Variants in SNX29 observed in about 807,000 individuals in gnomAD.
SNX29 encodes sorting nexin-29.
A neutral mutation model predicts 102.1 loss-of-function variants in SNX29; 78 were observed. The ratio of observed to expected loss-of-function variants is 0.76; its 90% CI spans 0.64 to 0.92. The LOEUF (loss-of-function observed/expected upper bound fraction) is 0.92. SNX29 is among the 40% of genes least tolerant of loss of function. The pLI is 0.00. For missense variants in SNX29, 1,280 were observed against 1,061.7 expected (o/e 1.21, Z -2.86); for synonymous variants, 580 against 414.5 (o/e 1.40, Z -4.85).
intron 4 of SNX29, among the ~76,000 whole-genome samples, chr16:12,042,077 C>CTGGA (rs2049901048): frequency 1.3e-5 from 2 of 152,102 alleles, no homozygotes; most frequent in Admixed American, 6.6e-5. Context: ...TGCCACCAGG[C>CTGGA]CGGAGTGCAG....
At chr16:12,401,009 T>G (rs1237388887) in intron 17 of SNX29, among the ~76,000 whole-genome samples, 6 of 152,082 alleles carry the variant, frequency 3.9e-5, no homozygotes, top group African/African-American at 2.4e-5. Context: ...TGTTTGTATT[T>G]TTTAGTAGAG....
intron 14 of SNX29, among the ~76,000 whole-genome samples, chr16:12,211,401 G>C (rs765010149): frequency 5.9e-5 from 9 of 152,180 alleles, no homozygotes; most frequent in Non-Finnish European, 1.2e-4. Flanking sequence ...CTGGGCCCCG[G>C]GGTAGCTTTC....
chr16:12,564,365 C>G (rs1028089863), intron 20 of SNX29, among the ~76,000 whole-genome samples: 4 of 151,830 alleles, frequency 2.6e-5, no homozygotes, highest in African/African-American at 7.3e-5. Context: ...GGAGCCAAAT[C>G]TATTTCTAAT....
At chr16:12,118,313 C>CTTTCTT (rs1286174976) in intron 11 of SNX29, among the ~76,000 whole-genome samples, 5 of 86,122 alleles carry the variant, frequency 5.8e-5, no homozygotes, top group East Asian at 5.3e-4. Flanking sequence ...TACAGACCAC[C>CTTTCTT]TTTTTTTTTT....
intron 2 of SNX29, among the ~76,000 whole-genome samples, chr16:12,001,000 T>C (rs1021388903): frequency 6.6e-6 from 1 of 152,196 alleles, no homozygotes; most frequent in Non-Finnish European, 1.5e-5. Context: ...CCCATGTTAT[T>C]AGCTGGTTCT....
At chr16:12,166,493 C>CG (rs1394973723) in intron 13 of SNX29, among the ~76,000 whole-genome samples, 1 of 152,122 alleles carries the variant, frequency 6.6e-6, no homozygotes, top group South Asian at 2.1e-4. Flanking sequence ...AGCAGGAAGG[C>CG]GGGGGGCATA....
chr16:12,407,001 G>C (rs4781227), intron 18 of SNX29, among the ~76,000 whole-genome samples: 75,119 of 152,142 alleles, frequency 0.49, 19,419 homozygotes, highest in Non-Finnish European at 0.58. Context: ...CTCCTGTTCT[G>C]GACAGCACAG....
chr16:12,566,715 AAG>A (rs2079026655), intron 20 of SNX29, among the ~76,000 whole-genome samples: 3 of 152,046 alleles, frequency 2.0e-5, no homozygotes, highest in African/African-American at 7.2e-5. Context: ...CCATCCTTTG[AAG>A]AGAGGATCAT....
At chr16:12,246,337 G>T (rs2078258857) in intron 14 of SNX29, among the ~76,000 whole-genome samples, 1 of 151,922 alleles carries the variant, frequency 6.6e-6, no homozygotes, top group Admixed American at 6.6e-5. Flanking sequence ...CTCAATGTCT[G>T]CATGAAAAAA....
At position 12,312,927 on chromosome 16, in the gene SNX29, G is replaced by A. The variant is rs1038294713; in HGVS notation, c.1782+34891G>A. Among the ~76,000 whole-genome samples the A allele has an allele frequency of 2.0e-5, 3 of 152,098 alleles. No individual in the cohort carries two copies. In the East Asian group the frequency reaches 5.8e-4, roughly 29 times the overall value. ...ACAGAAGGCTGTGTGGCTTGCCAGA[G>A]GTGGGATGGCCTTCCGAGTCAGGGG... On this transcript the variant is annotated intron_variant, in intron 15 of 20. Coordinates refer to ENST00000566228, the MANE Select transcript of SNX29 (RefSeq NM_032167.5).
intron 14 of SNX29, among the ~76,000 whole-genome samples, chr16:12,210,381 G>C (rs527400924): frequency 3.9e-4 from 59 of 150,262 alleles, no homozygotes; most frequent in African/African-American, 1.4e-3. Context: ...AGGCTGGAGC[G>C]CAGCTGGACG....
At chr16:12,371,654 C>T (rs554589087) in intron 16 of SNX29, among the ~76,000 whole-genome samples, 1 of 152,274 alleles carries the variant, frequency 6.6e-6, no homozygotes. Context: ...TTTCTCCTGT[C>T]CAGGGTGTCA....
intron 19 of SNX29, among the ~76,000 whole-genome samples, chr16:12,517,217 C>G (rs1249372019): frequency 1.3e-5 from 2 of 152,170 alleles, no homozygotes; most frequent in East Asian, 1.9e-4. Flanking sequence ...GGGTTTGCCT[C>G]CAGTCCTGTG....
At chr16:12,492,377 G>A (rs1005047328) in intron 19 of SNX29, among the ~76,000 whole-genome samples, 1 of 152,114 alleles carries the variant, frequency 6.6e-6, no homozygotes, top group Admixed American at 6.5e-5. Context: ...TGATGGGGTT[G>A]TTTGTTTTTT....
intron 15 of SNX29, 36 bp downstream of exon 15, chr16:12,278,072 A>G (rs932532948): frequency 1.9e-6 from 3 of 1,550,228 alleles, no homozygotes. Flanking sequence ...TTTGTTTCTG[A>G]TGTTGGCTGC....
At chr16:12,271,877 C>T (rs191199284) in intron 14 of SNX29, among the ~76,000 whole-genome samples, 60 of 152,316 alleles carry the variant, frequency 3.9e-4, no homozygotes, top group Middle Eastern at 6.8e-3. Context: ...CCTGCCTTAG[C>T]CTCCCGAAGT....
intron 14 of SNX29, among the ~76,000 whole-genome samples, chr16:12,228,945 C>G (rs1341184056): frequency 6.6e-6 from 1 of 152,250 alleles, no homozygotes; most frequent in Non-Finnish European, 1.5e-5. Context: ...AGTCTTCTGA[C>G]TCCTGCTGCT....
chr16:12,200,507 G>C (rs1410461109), intron 14 of SNX29, among the ~76,000 whole-genome samples: 2 of 150,130 alleles, frequency 1.3e-5, no homozygotes, highest in African/African-American at 4.9e-5. Flanking sequence ...TTTTGAGACA[G>C]AGCCTCACTC....
At chr16:12,005,068 G>A (rs1206486877) in intron 3 of SNX29, among the ~76,000 whole-genome samples, 4 of 152,186 alleles carry the variant, frequency 2.6e-5, no homozygotes, top group Non-Finnish European at 4.4e-5. Context: ...GTGCCACCAC[G>A]AAGCCTGTAA....
Sources: allele counts gnomAD v4.1 joint callset (sites outside exome capture counted in the v4.1 genomes callset), GRCh38; gene constraint gnomAD v4.1.1; transcripts MANE v1.5; gene names NCBI Gene and HGNC (gene_info 2026-07-23, HGNC 2026-07-21).